Variants in STK39 observed in about 807,000 individuals in gnomAD.
The protein encoded by STK39 is STE20/SPS1-related proline-alanine-rich protein kinase.
In STK39, 20 loss-of-function variants were observed where a neutral mutation model predicts 77.8. The observed-to-expected ratio is 0.26, with a 90% CI of 0.18 to 0.37. The LOEUF (loss-of-function observed/expected upper bound fraction) is 0.37. Ranked by LOEUF, STK39 falls within the 10% of genes least tolerant of loss-of-function variation. The pLI is 1.00. For missense variants in STK39, 479 were observed against 656.5 expected, an observed-to-expected ratio of 0.73 and a Z score of 2.95; for synonymous variants, 246 against 234.1, an observed-to-expected ratio of 1.05 and a Z score of -0.47.
At chr2:168,189,028 G>A (rs926944467) in intron 1 of STK39, among the ~76,000 whole-genome samples, 16 of 152,188 alleles carry the variant, frequency 1.1e-4, no homozygotes, top group South Asian at 2.1e-4. Flanking sequence ...TTCTGCCTCC[G>A]TCAAAAGAAC....
At chr2:168,236,940 G>C (rs1261945116) in intron 1 of STK39, among the ~76,000 whole-genome samples, 1 of 152,022 alleles carries the variant, frequency 6.6e-6, no homozygotes. Context: ...GGGCTTTTTG[G>C]TTCCATATGA....
At chr2:168,065,504 C>G in intron 12 of STK39, 123 bp from the exon 13 acceptor site, 1 of 1,001,134 alleles carries the variant, frequency 1.0e-6, no homozygotes, top group Non-Finnish European at 1.5e-6. Flanking sequence ...CAATATTTAC[C>G]AAAGTGTGGC....
chr2:168,142,595 T>A (rs1295293460), intron 5 of STK39, among the ~76,000 whole-genome samples: 2 of 152,226 alleles, frequency 1.3e-5, no homozygotes, highest in Admixed American at 1.3e-4. Flanking sequence ...CCTGCTTACA[T>A]TACACATTTT....
chr2:167,982,147 T>C (rs1683435878), intron 16 of STK39, among the ~76,000 whole-genome samples: 1 of 152,214 alleles, frequency 6.6e-6, no homozygotes, highest in Admixed American at 6.5e-5. Flanking sequence ...GGCTTGAACA[T>C]TCTTGTTATA....
At chr2:168,164,462 A>G (rs1366000527) in intron 3 of STK39, among the ~76,000 whole-genome samples, 30 of 152,054 alleles carry the variant, frequency 2.0e-4, no homozygotes, top group Admixed American at 2.0e-3. Context: ...GCTGGAGTGC[A>G]GTGGAGCAAT....
At chr2:168,083,776 G>A (rs529107375) in intron 10 of STK39, among the ~76,000 whole-genome samples, 1 of 152,060 alleles carries the variant, frequency 6.6e-6, no homozygotes, top group East Asian at 1.9e-4. Flanking sequence ...GTTGTGTAAA[G>A]AATCTTGTAC....
intron 2 of STK39, among the ~76,000 whole-genome samples, chr2:168,171,462 C>T (rs1458233476): frequency 7.3e-6 from 1 of 136,316 alleles, no homozygotes; most frequent in Non-Finnish European, 1.5e-5. Flanking sequence ...AATAACAGAA[C>T]TGAAAATAAA....
chr2:168,234,059 T>C (rs1690532282), intron 1 of STK39, among the ~76,000 whole-genome samples: 1 of 152,162 alleles, frequency 6.6e-6, no homozygotes, highest in African/African-American at 2.4e-5. Context: ...AGGTACAGAG[T>C]GAAAACAAAA....
intron 5 of STK39, among the ~76,000 whole-genome samples, chr2:168,144,673 A>G (rs16854798): frequency 0.22 from 33,249 of 151,512 alleles, 4,791 homozygotes; most frequent in East Asian, 0.43. Flanking sequence ...ACTATTCTTT[A>G]TAACAACTGT....
intron 1 of STK39, among the ~76,000 whole-genome samples, chr2:168,218,921 C>T (rs1345630625): frequency 6.6e-6 from 1 of 151,784 alleles, no homozygotes; most frequent in Non-Finnish European, 1.5e-5. Flanking sequence ...TCAGGACAGG[C>T]ATGCTTTTTA....
intron 16 of STK39, among the ~76,000 whole-genome samples, chr2:167,971,298 GTAAC>G (rs1692338084): frequency 6.6e-6 from 1 of 152,108 alleles, no homozygotes. Context: ...ATTTAATCTG[GTAAC>G]TAACTGGCCT....
intron 1 of STK39, among the ~76,000 whole-genome samples, chr2:168,189,031 A>G (rs1689275983): frequency 6.6e-6 from 1 of 152,188 alleles, no homozygotes. Context: ...TGCCTCCGTC[A>G]AAAGAACAAG....
intron 16 of STK39, among the ~76,000 whole-genome samples, chr2:167,992,321 T>C (rs2044675): frequency 0.55 from 83,680 of 151,502 alleles, 24,369 homozygotes; most frequent in African/African-American, 0.66. Context: ...TCCCCCAACC[T>C]GCCCCCCAAC....
At chr2:168,206,890 A>AC (rs1689756781) in intron 1 of STK39, among the ~76,000 whole-genome samples, 1 of 152,160 alleles carries the variant, frequency 6.6e-6, no homozygotes, top group African/African-American at 2.4e-5. Context: ...TTCTTATAAT[A>AC]CCCTGAGAAC....
At chr2:168,043,827 A>G (rs1685169868) in intron 14 of STK39, among the ~76,000 whole-genome samples, 2 of 152,166 alleles carry the variant, frequency 1.3e-5, no homozygotes, top group Non-Finnish European at 2.9e-5. Context: ...GAGGATTTTA[A>G]TTTCCATTTT....
At chr2:168,204,459 CAGACG>C (rs1356953429) in intron 1 of STK39, among the ~76,000 whole-genome samples, 1 of 152,214 alleles carries the variant, frequency 6.6e-6, no homozygotes, top group East Asian at 1.9e-4. Context: ...AGTCAAGTTA[CAGACG>C]AGACCAACAG....
intron 16 of STK39, among the ~76,000 whole-genome samples, chr2:167,966,098 C>T (rs765056589): frequency 5.3e-5 from 8 of 152,176 alleles, no homozygotes; most frequent in Non-Finnish European, 1.0e-4. Flanking sequence ...ACACTCCTCC[C>T]ATCTGCCTCC....
chr2:168,161,984 T>C (rs144545787), intron 4 of STK39, 142 bp from the exon 5 acceptor site: 12 of 605,404 alleles, frequency 2.0e-5, no homozygotes, highest in African/African-American at 1.9e-4. Context: ...ATAGCACAGA[T>C]TTTAAAAGTT....
rs557354974 is a variant in STK39, at chr2:168,175,799, A to C, written c.321+6179T>G. ...AAAATAGTTACAAAGCTAAGTTGCA[A>C]GAAAAAGATAACAGTACAAAATTTA... On this transcript the variant is annotated intron_variant, in intron 2 of 17. Transcript: ENST00000355999. Among the ~76,000 whole-genome samples the C allele has an allele frequency of 3.9e-5, 6 of 152,330 alleles. No homozygotes were observed. The South Asian group carries it at 1.0e-3, about 26-fold the overall frequency.
Sources: gnomAD v4.1 joint callset for allele counts (sites outside exome capture counted in the v4.1 genomes callset) on GRCh38, gnomAD v4.1.1 for gene constraint, MANE v1.5 for transcripts, NCBI Gene and HGNC (gene_info 2026-07-23, HGNC 2026-07-21) for gene names.